Variants in NEO1 observed in about 807,000 individuals in gnomAD.
NEO1 encodes neogenin.
A neutral mutation model predicts 159.7 loss-of-function variants in NEO1; 63 were observed. That is an observed-to-expected ratio of 0.39 (90% confidence interval 0.32 to 0.49). The LOEUF (loss-of-function observed/expected upper bound fraction) is 0.49, where lower values mean the gene tolerates loss of function less well. Ranked by LOEUF, NEO1 falls within the 20% of genes least tolerant of loss-of-function variation. NEO1 has a pLI of 0.85. For missense variants in NEO1, 1,615 were observed against 1,831.0 expected (o/e 0.88, Z 2.15); for synonymous variants, 633 against 662.0 (o/e 0.96, Z 0.67).
At chr15:73,207,463 A>G (rs1346100942) in intron 7 of NEO1, among the ~76,000 whole-genome samples, 1 of 152,200 alleles carries the variant, frequency 6.6e-6, no homozygotes, top group African/African-American at 2.4e-5. Flanking sequence ...CCTCCCTTCT[A>G]CCAGGCCAAA....
At chr15:73,073,702 C>G (rs1003205373) in intron 1 of NEO1, among the ~76,000 whole-genome samples, 1 of 152,014 alleles carries the variant, frequency 6.6e-6, no homozygotes, top group Admixed American at 6.6e-5. Context: ...GCAGTGAGGC[C>G]TTTTGCTGTA....
chr15:73,173,169 A>G (rs930988032), intron 5 of NEO1, among the ~76,000 whole-genome samples: 3 of 152,230 alleles, frequency 2.0e-5, no homozygotes, highest in Non-Finnish European at 4.4e-5. Flanking sequence ...TTGCAGTTCA[A>G]ATGAAGACTC....
chr15:73,282,519 C>A (rs1247819966), intron 22 of NEO1, among the ~76,000 whole-genome samples: 1 of 152,200 alleles, frequency 6.6e-6, no homozygotes, highest in African/African-American at 2.4e-5. Context: ...TCTCAGATAT[C>A]TGCCTGTTGG....
intron 13 of NEO1, among the ~76,000 whole-genome samples, chr15:73,256,962 GA>G (rs199794617): frequency 1.6e-3 from 232 of 143,392 alleles, no homozygotes; most frequent in Non-Finnish European, 2.7e-3. Context: ...AGCAGAGGCT[GA>G]AAAAAAAAAA....
rs142135408 is a variant in NEO1, at chr15:73,094,288, G to A, written c.131-22252G>A. Among the ~76,000 whole-genome samples the A allele has an allele frequency of 1.5e-3, 223 of 152,162 alleles. 2 individuals are homozygous for A. The highest frequency in any genetic ancestry group is 5.0e-3 in the Admixed American group (76 of 15,298). On this transcript the variant is annotated intron_variant, in intron 1 of 28. Coordinates refer to ENST00000261908, the MANE Select transcript of NEO1 (RefSeq NM_002499.4). Reference sequence around the variant, plus strand: ...ACACTCTTTTGATTTACCTATTCGGGATATTTCATGTAAATGAAGTCATAT... The same window carrying A: ...ACACTCTTTTGATTTACCTATTCGGAATATTTCATGTAAATGAAGTCATAT...
At chr15:73,240,107 A>G (rs2039416744) in intron 8 of NEO1, among the ~76,000 whole-genome samples, 1 of 151,970 alleles carries the variant, frequency 6.6e-6, no homozygotes, top group Admixed American at 6.6e-5. Context: ...AGGTTGAGAA[A>G]CCCTGGCATG....
At chr15:73,236,159 T>A in intron 7 of NEO1, 188 bp from the exon 8 acceptor site, 1 of 762,542 alleles carries the variant, frequency 1.3e-6, no homozygotes, top group East Asian at 2.7e-5. Context: ...TTTTTTATGT[T>A]CATTCATTTT....
intron 16 of NEO1, among the ~76,000 whole-genome samples, chr15:73,267,862 G>T (rs1475022636): frequency 6.6e-6 from 1 of 152,100 alleles, no homozygotes; most frequent in Non-Finnish European, 1.5e-5. Flanking sequence ...GGAAACCAAA[G>T]AATTTATTTT....
At chr15:73,293,249 C>G (rs2042225706) in intron 25 of NEO1, 141 bp from the exon 26 acceptor site, 2 of 887,660 alleles carry the variant, frequency 2.3e-6, no homozygotes, top group Admixed American at 4.2e-5. Context: ...TTGACCAGAT[C>G]TAGCCAGCTG....
intron 4 of NEO1, among the ~76,000 whole-genome samples, chr15:73,132,161 T>C (rs1038136): frequency 0.13 from 20,213 of 152,230 alleles, 2,095 homozygotes; most frequent in African/African-American, 0.28. Context: ...CTGACACATA[T>C]AGACAAACCA....
intron 11 of NEO1, among the ~76,000 whole-genome samples, chr15:73,251,437 C>T (rs1234371320): frequency 2.0e-5 from 3 of 149,086 alleles, no homozygotes; most frequent in African/African-American, 5.0e-5. Context: ...CACCTGAGCC[C>T]GGGGAGGTCA....
chr15:73,236,485 A>T lies in NEO1; in HGVS notation c.1430A>T (p.Tyr477Phe). 6.2e-7 allele frequency: 1 copy of T among 1,614,142 alleles called. No homozygotes were observed. Among genetic ancestry groups the T allele is most frequent in the Non-Finnish European group, 8.5e-7 (1 of 1,179,996 alleles). Residue 477 changes from tyrosine (Y) to phenylalanine (F), a missense_variant, in exon 8 of 29, where the codon TAC becomes TTC. Around this residue, in one of 3 missense-constraint regions of NEO1, gnomAD observed 1,018 missense variants for 1,115.4 expected, o/e 0.91. Transcript: ENST00000261908. Reference protein sequence around the residue: ...HGDNLTYSVFYTKEGIARERV... With the variant: ...HGDNLTYSVFFTKEGIARERV... ...GACAACCTTACCTACTCTGTGTTCT[A>T]CACCAAGGAAGGGATTGCTAGGTAA...
intron 5 of NEO1, among the ~76,000 whole-genome samples, chr15:73,158,362 C>T (rs551762870): frequency 6.6e-6 from 1 of 151,926 alleles, no homozygotes; most frequent in South Asian, 2.1e-4. Context: ...GATATATTTA[C>T]AGAATTAAGT....
chr15:73,296,685 G>A (rs79338999), intron 26 of NEO1, among the ~76,000 whole-genome samples: 1,653 of 152,250 alleles, frequency 0.011, 22 homozygotes, highest in East Asian at 0.049. Context: ...CCCCGCAGTG[G>A]AGGCCTGAAG....
rs777905730 is a variant in NEO1, at chr15:73,282,964, G to T, written c.3263G>T (p.Gly1088Val). Residue 1088 changes from glycine (G) to valine (V), a missense_variant and splice_region_variant, in exon 23 of 29, where the codon GGC becomes GTC. Gly to Val is a moderately radical substitution (Grantham distance 109, BLOSUM62 -3). This residue lies in a region of NEO1 where 471 missense variants were observed against 498.9 expected (regional missense o/e 0.94). Transcript: ENST00000261908. Reference sequence around the variant, plus strand: ...ACATGTACCATTTCTCTCTCTGCAGGCAGTAACAGCCCTCATGGGAGCCCC... The same window carrying T: ...ACATGTACCATTTCTCTCTCTGCAGTCAGTAACAGCCCTCATGGGAGCCCC... The part of the protein sequence containing the change: ...LGSDYKPPMS[G>V]SNSPHGSPTS... 1 of 1,613,378 alleles carries T rather than the reference G, an allele frequency of 6.2e-7. No homozygotes were observed. The highest frequency in any genetic ancestry group is 2.2e-5 in the East Asian group (1 of 44,870).
chr15:73,205,640 TC>T (rs2037167919), intron 7 of NEO1, among the ~76,000 whole-genome samples: 1 of 152,164 alleles, frequency 6.6e-6, no homozygotes, highest in African/African-American at 2.4e-5. Flanking sequence ...TTTTAAGTGT[TC>T]CTACCAGTTT....
intron 1 of NEO1, among the ~76,000 whole-genome samples, chr15:73,099,131 A>G (rs1254474878): frequency 6.6e-6 from 1 of 152,150 alleles, no homozygotes; most frequent in African/African-American, 2.4e-5. Flanking sequence ...TTTGGTTTAT[A>G]TATATATGAC....
At chr15:73,164,612 G>A (rs555862068) in intron 5 of NEO1, among the ~76,000 whole-genome samples, 6 of 152,176 alleles carry the variant, frequency 3.9e-5, no homozygotes, top group Non-Finnish European at 8.8e-5. Context: ...AATTGGTACA[G>A]CCTTTGGTAA....
chr15:73,286,266 G>T lies in NEO1; in HGVS notation c.3411-2047G>T, dbSNP rs1221692343. ...TTTGTGGAGGTCACCAGCGACCTGT[G>T]TATTGCTAAAGCCAAAGAACATTTT... is the stretch of plus-strand genomic sequence containing the variant. On this transcript the variant is annotated intron_variant, in intron 23 of 28. Transcript: ENST00000261908. Among the ~76,000 whole-genome samples, 9 of 152,306 alleles carry T rather than the reference G, an allele frequency of 5.9e-5. No homozygotes were observed. The East Asian group carries it at 1.7e-3, about 29-fold the overall frequency.
Sources: allele counts gnomAD v4.1 joint callset (sites outside exome capture counted in the v4.1 genomes callset), GRCh38; gene constraint gnomAD v4.1.1; regional missense constraint gnomAD v4.1.1; transcripts MANE v1.5; gene names NCBI Gene and HGNC (gene_info 2026-07-23, HGNC 2026-07-21).